Variants in PDXDC1 observed in about 807,000 individuals in gnomAD.
PDXDC1 encodes pyridoxal dependent decarboxylase domain containing 1.
PDXDC1 carries 42 observed loss-of-function variants against 100.1 expected under a neutral mutation model. That is an observed-to-expected ratio of 0.42 (90% CI 0.33 to 0.54). PDXDC1 has a LOEUF of 0.54. Among genes scored for constraint, PDXDC1 ranks in the 20% least tolerant of loss-of-function variants. The pLI, the probability that PDXDC1 is intolerant of heterozygous loss-of-function variation, is 0.10. For missense variants in PDXDC1, 636 were observed against 979.2 expected, an observed-to-expected ratio of 0.65 and a Z score of 4.68; for synonymous variants, 260 against 371.7, an observed-to-expected ratio of 0.70 and a Z score of 3.46.
chr16:15,035,994 AGTCT>A lies in PDXDC1; in HGVS notation c.2108-16_2108-13del, dbSNP rs1567736258. 6.3e-7 allele frequency: 1 copy of A among 1,594,328 alleles called. No homozygotes were observed. Among genetic ancestry groups the A allele is most frequent in the South Asian group, 1.1e-5 (1 of 88,686 alleles). ...AAGTATCCTCACTGAGTTTCAGCGC[AGTCT>A]GTCTGCCCTTTCTGTAGGCCAGAAG... On this transcript the variant is annotated intron_variant, in intron 22 of 22. Transcript: ENST00000396410.
chr16:15,016,499 G>A (rs2041808333), intron 9 of PDXDC1: 3 of 716,560 alleles, frequency 4.2e-6, no homozygotes, highest in Non-Finnish European at 6.3e-6. Context: ...TCCTCTATCT[G>A]TGGACAGATC....
intron 16 of PDXDC1, chr16:15,056,011 G>A (rs919630328): frequency 1.8e-6 from 2 of 1,113,788 alleles, no homozygotes; most frequent in South Asian, 8.8e-5. Flanking sequence ...GGAGGCGGCG[G>A]CCCCCCGCTT....
rs772555234 is a variant in PDXDC1 at position 15,031,799 on chromosome 16, G to A, written c.1464G>A (p.Val488=). 2.5e-6 allele frequency: 4 copies of A among 1,613,868 alleles called. No homozygotes were observed. Among genetic ancestry groups the A allele is most frequent in the African/African-American group, 2.7e-5 (2 of 74,894 alleles). The change falls in exon 17 of 23, where the codon GTG becomes GTA. Residue 488 remains valine (V), a synonymous_variant. Coordinates refer to ENST00000396410, the MANE Select transcript of PDXDC1 (RefSeq NM_015027.4). ...LVACIESKLP[V]LCCTLQLREE... Reference sequence around the variant, plus strand: ...CCTGCATAGAAAGCAAACTGCCAGTGCTGTGCTGTACGCTCCAGTTGCGTG... The same window carrying A: ...CCTGCATAGAAAGCAAACTGCCAGTACTGTGCTGTACGCTCCAGTTGCGTG...
At chr16:15,149,167 C>T in the PDXDC1 span, among the ~76,000 whole-genome samples, 1 of 152,150 alleles carries the variant, frequency 6.6e-6, no homozygotes, top group Non-Finnish European at 1.5e-5. Flanking sequence ...CCCCTGCCCC[C>T]GAGTCACCTT....
At position 15,036,321 on chromosome 16, in the gene PDXDC1, A is replaced by C. The variant is rs750099523; in HGVS notation, c.*46A>C. ...ACTGTACTGAGTATTGTTTCAGGGA[A>C]GATGAAGTTCTATTGGAAATGTGAA... On this transcript the variant is annotated 3_prime_UTR_variant, in exon 23 of 23. Transcript: ENST00000396410. 1.1e-5 allele frequency: 16 copies of C among 1,517,720 alleles called. No homozygotes were observed. In the South Asian group the frequency reaches 1.9e-4, roughly 18 times the overall value. 94.0% of individuals were successfully genotyped at this position (1,517,720 alleles called of 1,614,324 possible).
chr16:15,100,394 C>T (rs2046498764), intron 16 of PDXDC1, among the ~76,000 whole-genome samples: 1 of 152,152 alleles, frequency 6.6e-6, no homozygotes, highest in African/African-American at 2.4e-5. Flanking sequence ...TGTATACATA[C>T]ATTATCCTCA....
chr16:14,997,072 A>T (rs1453315781), intron 1 of PDXDC1, among the ~76,000 whole-genome samples: 1 of 152,206 alleles, frequency 6.6e-6, no homozygotes, highest in Non-Finnish European at 1.5e-5. Flanking sequence ...GTAACTTGTC[A>T]AGTGGGAAGG....
At chr16:15,031,965 G>GTTCA in intron 17 of PDXDC1, 59 bp downstream of exon 17, 1 of 1,387,078 alleles carries the variant, frequency 7.2e-7, no homozygotes, top group Non-Finnish European at 1.0e-6. Flanking sequence ...AACATGAGTG[G>GTTCA]GTCATTTTCT....
intron 16 of PDXDC1, among the ~76,000 whole-genome samples, chr16:15,122,521 GAC>G (rs2047473954): frequency 6.9e-6 from 1 of 145,932 alleles, no homozygotes; most frequent in African/African-American, 2.6e-5. Context: ...CATGCCGCGT[GAC>G]ACAGCCCAGT....
At position 15,013,557 on chromosome 16, in the gene PDXDC1, A is replaced by C. The variant is rs190000863; in HGVS notation, c.728-2572A>C. 7.5e-4 allele frequency among the ~76,000 whole-genome samples: 114 copies of C among 152,374 alleles called. 1 individual carries two copies. In the East Asian group the frequency reaches 0.019, roughly 26 times the overall value. On this transcript the variant is annotated intron_variant, in intron 8 of 22. Coordinates refer to ENST00000396410, the MANE Select transcript of PDXDC1 (RefSeq NM_015027.4). The stretch of plus-strand genomic sequence containing the variant: ...AAAACTCATTGGACCGTATACTTAC[A>C]TGAGTGAGTTTTGTTGCATGTAAAT...
downstream of PDXDC1, chr16:15,041,657 T>A (rs761584490): frequency 5.0e-6 from 8 of 1,611,458 alleles, no homozygotes; most frequent in East Asian, 2.2e-5. Flanking sequence ...GAATGTCATC[T>A]TCTTGCCTGT....
At chr16:15,053,923 C>A (rs2044395929) in intron 16 of PDXDC1, among the ~76,000 whole-genome samples, 1 of 152,004 alleles carries the variant, frequency 6.6e-6, no homozygotes, top group Admixed American at 6.6e-5. Context: ...AAAAAACCAA[C>A]CAACCAAACA....
At chr16:15,001,020 G>T (rs1481138804) in intron 3 of PDXDC1, among the ~76,000 whole-genome samples, 1 of 151,764 alleles carries the variant, frequency 6.6e-6, no homozygotes, top group Non-Finnish European at 1.5e-5. Flanking sequence ...TCTCTGTCTT[G>T]TACTCCAAGA....
At chr16:15,043,580 T>A (rs1181473897) in intron 16 of PDXDC1, among the ~76,000 whole-genome samples, 2 of 152,168 alleles carry the variant, frequency 1.3e-5, no homozygotes, top group Non-Finnish European at 2.9e-5. Flanking sequence ...TGTACCATCA[T>A]ATGAGTAAGC....
rs1439430843 is a variant in PDXDC1 at position 14,983,735 on chromosome 16, CTACTT to C, written c.21+8519_21+8523del. On this transcript the variant is annotated intron_variant, in intron 1 of 22. Coordinates refer to ENST00000396410, the MANE Select transcript of PDXDC1 (RefSeq NM_015027.4). ...ATTTGCTTAGTATTTTCTTTTAAAT[CTACTT>C]TACATCAATTTACTCCCCCTTTATG... Among the ~76,000 whole-genome samples, 5 of 152,390 alleles carry C rather than the reference CTACTT, an allele frequency of 3.3e-5. No individual in the cohort carries two copies. In the East Asian group the frequency reaches 9.6e-4, roughly 29 times the overall value.
intron 1 of PDXDC1, among the ~76,000 whole-genome samples, chr16:14,984,495 A>ATATTT (rs1555542734): frequency 6.6e-3 from 487 of 73,386 alleles, no homozygotes; most frequent in Middle Eastern, 0.025. Context: ...ATATATATAT[A>ATATTT]TTTTTTTTTT....
At position 15,131,322 on chromosome 16, in the gene PDXDC1, G is replaced by A. The variant is rs770399801; in HGVS notation, c.1400-7557G>A. Reference sequence around the variant, plus strand: ...CGGCCTGTGTCTGGAACGCCATCGAGGCCACCTTGGTGGAGACGGTGTAGT... The same window carrying A: ...CGGCCTGTGTCTGGAACGCCATCGAAGCCACCTTGGTGGAGACGGTGTAGT... On this transcript the variant is annotated intron_variant, in intron 16 of 16. Coordinates refer to the PDXDC1 transcript ENST00000535621. The A allele has an allele frequency of 1.6e-5, 25 of 1,566,838 alleles. No homozygotes were observed. In the African/African-American group the frequency reaches 2.8e-4, roughly 18 times the overall value.
intron 16 of PDXDC1, among the ~76,000 whole-genome samples, chr16:15,078,986 T>C (rs1253570512): frequency 6.6e-6 from 1 of 152,040 alleles, no homozygotes; most frequent in East Asian, 1.9e-4. Context: ...CAATTTTTTG[T>C]ATTTTTAGTG....
At chr16:15,024,468 G>A (rs1486612895) in intron 13 of PDXDC1, among the ~76,000 whole-genome samples, 1 of 149,580 alleles carries the variant, frequency 6.7e-6, no homozygotes, top group Non-Finnish European at 1.5e-5. Flanking sequence ...GTGCAGTGGT[G>A]CGATCTTGGC....
Sources: allele counts gnomAD v4.1 joint callset (sites outside exome capture counted in the v4.1 genomes callset), GRCh38; gene constraint gnomAD v4.1.1; transcripts MANE v1.5; gene names NCBI Gene and HGNC (gene_info 2026-07-23, HGNC 2026-07-21).